The following GOLGA7B variants were observed in gnomAD, a reference collection of about 807,000 sequenced individuals.
GOLGA7B encodes golgin subfamily A member 7B.
Under a neutral mutation model 21.5 loss-of-function variants are expected in GOLGA7B, and 17 were observed. That is an observed-to-expected ratio of 0.79 (90% CI 0.54 to 1.19). The LOEUF is 1.19. Among genes scored for constraint, GOLGA7B ranks in the 50% most tolerant of loss-of-function variants. GOLGA7B has a pLI of 0.00. For missense variants in GOLGA7B, 169 were observed against 224.4 expected (o/e 0.75, Z 1.58); for synonymous variants, 87 against 84.0 (o/e 1.04, Z -0.19).
chr10:97,862,192 T>A (rs2049975691), intron 2 of GOLGA7B, among the ~76,000 whole-genome samples: 3 of 152,186 alleles, frequency 2.0e-5, no homozygotes, highest in Admixed American at 2.0e-4. Context: ...TCACTAAGTA[T>A]TTATTGATTA....
intron 1 of GOLGA7B, among the ~76,000 whole-genome samples, chr10:97,854,917 A>G (rs188989474): frequency 2.0e-5 from 3 of 152,312 alleles, no homozygotes; most frequent in Admixed American, 6.5e-5. Context: ...TGGTGTCACT[A>G]TCTTCAACAC....
rs1318700664 is a variant in GOLGA7B at position 97,868,569 on chromosome 10, A to G, written c.*2869A>G. ...TCTCATGTTTGTTGTCACTGCCGCTAAGGGCTGCAGTGAGCTGTGTGCAGC... is the reference window on the plus strand; with the variant it reads ...TCTCATGTTTGTTGTCACTGCCGCTGAGGGCTGCAGTGAGCTGTGTGCAGC... On this transcript the variant is annotated 3_prime_UTR_variant, in exon 5 of 5. Transcript: ENST00000370602. The G allele has an allele frequency of 2.0e-5, 3 of 152,244 alleles. No individual in the cohort carries two copies. Among genetic ancestry groups the G allele is most frequent in the African/African-American group, 7.2e-5 (3 of 41,434 alleles). The allele number at this position is 152,244 out of a possible 1,614,324, so 9.4% of individuals were successfully genotyped here.
Position 97,865,824 on chromosome 10 carries a change from GGGA to G in GOLGA7B, c.*127_*129del. 8.2e-7 allele frequency: 1 copy of G among 1,220,894 alleles called. No individual in the cohort carries two copies. 75.6% of individuals were successfully genotyped at this position (1,220,894 alleles called of 1,614,324 possible). ...TTGGGCTCACCCTGCTGCCCGGGGT[GGGA>G]GGGAGGGTGACGGGCCTCATATTTC... On this transcript the variant is annotated 3_prime_UTR_variant, in exon 5 of 5. Transcript: ENST00000370602.
At position 97,850,198 on chromosome 10, in the gene GOLGA7B, C is replaced by G; in HGVS notation, c.-106C>G. On this transcript the variant is annotated 5_prime_UTR_variant, in exon 1 of 5. Coordinates refer to ENST00000370602, the MANE Select transcript of GOLGA7B (RefSeq NM_001010917.3). ...CGCATCAGCACTGCGGACAGCGCCCCGGGCCCCAGCTCGCCGCCACCGCCG... is the reference window on the plus strand; with the variant it reads ...CGCATCAGCACTGCGGACAGCGCCCGGGGCCCCAGCTCGCCGCCACCGCCG... 2 of 735,654 alleles carry G rather than the reference C, an allele frequency of 2.7e-6. No individual in the cohort carries two copies. Among genetic ancestry groups the G allele is most frequent in the Non-Finnish European group, 3.9e-6 (2 of 508,608 alleles). 45.6% of individuals were successfully genotyped at this position (735,654 alleles called of 1,614,324 possible).
chr10:97,864,044 T>A lies in GOLGA7B; in HGVS notation c.253T>A (p.Tyr85Asn). The A allele has an allele frequency of 6.2e-7, 1 of 1,614,204 alleles. No homozygotes were observed. Among genetic ancestry groups the A allele is most frequent in the East Asian group, 2.2e-5 (1 of 44,884 alleles). Residue 85 changes from tyrosine to asparagine, a missense_variant, in exon 3 of 5, where the codon TAC (tyrosine) becomes AAC (asparagine). Physicochemically the swap from Tyr to Asn is moderately radical, Grantham distance 143. Transcript: ENST00000370602. Reference sequence around the variant, plus strand: ...GGGCTGCCTGGCCTGCGCCACGGCCTACTTCATCTTCCTCTGCATGGAGAC... The same window carrying A: ...GGGCTGCCTGGCCTGCGCCACGGCCAACTTCATCTTCCTCTGCATGGAGAC... ...LEGCLACATA[Y>N]FIFLCMETHY...
intron 1 of GOLGA7B, 144 bp downstream of exon 1, chr10:97,850,459 G>A: frequency 3.3e-6 from 2 of 606,928 alleles, no homozygotes; most frequent in East Asian, 3.5e-5. Context: ...GAGGAGGTAG[G>A]GGCTTAGTGA....
chr10:97,850,298 CG>C lies in GOLGA7B; in HGVS notation c.-4del, dbSNP rs1564863381. The C allele has an allele frequency of 1.3e-6, 2 of 1,515,616 alleles. No homozygotes were observed. The highest frequency in any genetic ancestry group is 2.1e-5 in the Admixed American group (1 of 48,512). The allele number at this position is 1,515,616 out of a possible 1,614,324, so 93.9% of individuals were successfully genotyped here. ...CCCCGCGACAGCCTCCGAGCGCCCC[CG>C]GATCATGGCCACCGAGGTAGGGGCG... is the stretch of plus-strand genomic sequence containing the variant. On this transcript the variant is annotated 5_prime_UTR_variant, in exon 1 of 5. Transcript: ENST00000370602.
chr10:97,864,071 C>T lies in GOLGA7B; in HGVS notation c.280C>T (p.His94Tyr). 6.2e-7 allele frequency: 1 copy of T among 1,614,020 alleles called. No homozygotes were observed. The highest frequency in any genetic ancestry group is 8.5e-7 in the Non-Finnish European group (1 of 1,179,894). ...CTTCATCTTCCTCTGCATGGAGACC[C>T]ACTATGAGAAGGTGGCCCCTCCCGC... ...AYFIFLCMET[H>Y]YEKVLKKISR... is the part of the protein sequence containing the mutation. Residue 94 changes from histidine (H) to tyrosine (Y), a missense_variant, in exon 3 of 5, where the codon CAC becomes TAC. Transcript: ENST00000370602.
In GOLGA7B at chr10:97,859,492, C is replaced by T. The variant is rs143455176; in HGVS notation, c.47C>T (p.Ser16Leu). Residue 16 changes from serine (S) to leucine (L), a missense_variant, in exon 2 of 5, where the codon TCA becomes TTA. Ser to Leu is a moderately radical substitution (Grantham distance 145). Coordinates refer to ENST00000370602, the MANE Select transcript of GOLGA7B (RefSeq NM_001010917.3). Reference sequence around the variant, plus strand: ...CTGCAGGAGCTCCGGCGAAGTGCCTCACTGGCCACCAAGGTCTTTATCCAG... The same window carrying T: ...CTGCAGGAGCTCCGGCGAAGTGCCTTACTGGCCACCAAGGTCTTTATCCAG... ...HNLQELRRSASLATKVFIQRD... is the reference protein window; with the variant it reads ...HNLQELRRSALLATKVFIQRD... 1.4e-3 allele frequency: 2,201 copies of T among 1,614,044 alleles called. 2 individuals are homozygous for T. The highest frequency in any genetic ancestry group is 1.7e-3 in the Non-Finnish European group (2,063 of 1,179,992).
rs1394745033 is a variant in GOLGA7B, at chr10:97,870,495, G to A, written c.*4795G>A. On this transcript the variant is annotated 3_prime_UTR_variant, in exon 5 of 5. Coordinates refer to ENST00000370602, the MANE Select transcript of GOLGA7B (RefSeq NM_001010917.3). ...TGGGGGGCTTCTGGGAGCTCAGGATGTTCTGTTTCTTGATCAGAGTGCCAG... is the reference window on the plus strand; with the variant it reads ...TGGGGGGCTTCTGGGAGCTCAGGATATTCTGTTTCTTGATCAGAGTGCCAG... 1 of 152,162 alleles carries A rather than the reference G, an allele frequency of 6.6e-6. No homozygotes were observed. The highest frequency in any genetic ancestry group is 6.5e-5 in the Admixed American group (1 of 15,272). 9.4% of individuals were successfully genotyped at this position (152,162 alleles called of 1,614,324 possible).
intron 1 of GOLGA7B, among the ~76,000 whole-genome samples, chr10:97,856,060 C>G (rs2049933438): frequency 6.6e-6 from 1 of 152,074 alleles, no homozygotes; most frequent in Non-Finnish European, 1.5e-5. Context: ...TATTATTTCC[C>G]AAGATTTTTG....
At chr10:97,854,831 C>T (rs758815675) in intron 1 of GOLGA7B, among the ~76,000 whole-genome samples, 3 of 152,180 alleles carry the variant, frequency 2.0e-5, no homozygotes, top group Non-Finnish European at 4.4e-5. Context: ...GTAAGTGTTC[C>T]TGATCAACAG....
At chr10:97,857,370 C>A (rs1357269466) in intron 1 of GOLGA7B, among the ~76,000 whole-genome samples, 1 of 145,716 alleles carries the variant, frequency 6.9e-6, no homozygotes, top group Non-Finnish European at 1.5e-5. Context: ...CAGACACACA[C>A]ACACACACAC....
Position 97,867,232 on chromosome 10 carries a change from C to T in GOLGA7B, c.*1532C>T, listed in dbSNP as rs1242856558. On this transcript the variant is annotated 3_prime_UTR_variant, in exon 5 of 5. Coordinates refer to ENST00000370602, the MANE Select transcript of GOLGA7B (RefSeq NM_001010917.3). ...AGCCTGCAGGGGAAAGGCAAACTCC[C>T]TCCTTGCAAGGAAAGGAGATGTCCA... 4 of 152,304 alleles carry T rather than the reference C, an allele frequency of 2.6e-5. No homozygotes were observed. Among genetic ancestry groups the T allele is most frequent in the Non-Finnish European group, 5.9e-5 (4 of 68,136 alleles). 9.4% of individuals were successfully genotyped at this position (152,304 alleles called of 1,614,324 possible). A position where few individuals can be genotyped will look rare whatever the true frequency, so the allele number is the denominator to read the frequency against.
intron 1 of GOLGA7B, among the ~76,000 whole-genome samples, chr10:97,851,475 G>A (rs1390302459): frequency 2.6e-5 from 4 of 152,198 alleles, no homozygotes; most frequent in Non-Finnish European, 5.9e-5. Flanking sequence ...TTAGCTAGGC[G>A]GAGAGTTGCC....
intron 1 of GOLGA7B, among the ~76,000 whole-genome samples, chr10:97,854,795 T>C (rs1439112676): frequency 2.0e-5 from 3 of 152,214 alleles, no homozygotes; most frequent in Admixed American, 6.5e-5. Flanking sequence ...CAATAGAAGT[T>C]TGTATCCTGC....
Position 97,854,875 on chromosome 10 carries a change from G to T in GOLGA7B, c.12+4560G>T, listed in dbSNP as rs142236860. ...GGCGGTGATTCAAGGCAGTGATTCA[G>T]TGATTCAGGGACCAAGGCTCTTCCC... On this transcript the variant is annotated intron_variant, in intron 1 of 4. Transcript: ENST00000370602. 1.1e-3 allele frequency among the ~76,000 whole-genome samples: 161 copies of T among 152,328 alleles called. 1 individual carries two copies. The highest frequency in any genetic ancestry group is 3.6e-3 in the African/African-American group (149 of 41,564).
intron 1 of GOLGA7B, among the ~76,000 whole-genome samples, chr10:97,851,406 C>G (rs1219900809): frequency 6.6e-6 from 1 of 152,168 alleles, no homozygotes; most frequent in Non-Finnish European, 1.5e-5. Flanking sequence ...ACTCAAGTTT[C>G]CACCACAGAA....
At chr10:97,853,027 G>A (rs886619850) in intron 1 of GOLGA7B, among the ~76,000 whole-genome samples, 1 of 152,212 alleles carries the variant, frequency 6.6e-6, no homozygotes, top group Non-Finnish European at 1.5e-5. Flanking sequence ...AAGTGGTGGG[G>A]TTTGGTCTCT....
Sources: gnomAD v4.1 joint callset for allele counts (sites outside exome capture counted in the v4.1 genomes callset) on GRCh38, gnomAD v4.1.1 for gene constraint, MANE v1.5 for transcripts, NCBI Gene and HGNC (gene_info 2026-07-23, HGNC 2026-07-21) for gene names.